The following DGKB variants were observed in gnomAD, a reference collection of about 807,000 sequenced individuals.
DGKB encodes the protein diacylglycerol kinase beta.
A neutral mutation model predicts 114.3 loss-of-function variants in DGKB; 67 were observed. That is an observed-to-expected ratio of 0.59 (90% CI 0.48 to 0.72). The LOEUF (loss-of-function observed/expected upper bound fraction) is 0.72. Ranked by LOEUF, DGKB falls within the 30% of genes least tolerant of loss-of-function variation. The pLI is 0.00. For synonymous variants in DGKB, 398 were observed against 323.1 expected (o/e 1.23, Z -2.49); for missense variants, 907 against 975.2 (o/e 0.93, Z 0.93).
intron 18 of DGKB, among the ~76,000 whole-genome samples, chr7:14,582,109 T>C (rs1330568252): frequency 6.6e-6 from 1 of 152,224 alleles, no homozygotes; most frequent in Non-Finnish European, 1.5e-5. Flanking sequence ...TTTCAATTTA[T>C]ACAGAAGGTA....
chr7:14,275,050 C>G (rs941122047), intron 23 of DGKB, among the ~76,000 whole-genome samples: 21 of 151,710 alleles, frequency 1.4e-4, no homozygotes, highest in Admixed American at 3.9e-4. Context: ...AAAGTATTTT[C>G]CTTCTTTAAA....
intron 20 of DGKB, among the ~76,000 whole-genome samples, chr7:14,570,177 T>G (rs1798162501): frequency 6.6e-6 from 1 of 151,874 alleles, no homozygotes; most frequent in East Asian, 1.9e-4. Context: ...TTACTTATAA[T>G]TCTCTATAGA....
chr7:14,902,920 G>A (rs1445246222), upstream of DGKB: 1 of 152,118 alleles, frequency 6.6e-6, no homozygotes, highest in African/African-American at 2.4e-5. Context: ...AAAAACAGCG[G>A]AGGCTGAAAG....
intron 23 of DGKB, 50 bp from the exon 24 acceptor site, chr7:14,178,201 A>T: frequency 6.3e-7 from 1 of 1,584,004 alleles, no homozygotes; most frequent in Non-Finnish European, 8.6e-7. Flanking sequence ...ACATATGTCC[A>T]CAATTTAATG....
intron 17 of DGKB, among the ~76,000 whole-genome samples, chr7:14,604,048 A>G (rs1272590534): frequency 6.6e-6 from 1 of 152,148 alleles, no homozygotes; most frequent in Non-Finnish European, 1.5e-5. Context: ...GCCCAAGAGT[A>G]ATTTATATTT....
chr7:14,447,963 A>G (rs1323324151), intron 21 of DGKB, among the ~76,000 whole-genome samples: 1 of 152,098 alleles, frequency 6.6e-6, no homozygotes, highest in Non-Finnish European at 1.5e-5. Context: ...ATGCCAAGAA[A>G]CTTAGACATT....
intron 5 of DGKB, among the ~76,000 whole-genome samples, chr7:14,732,379 G>C (rs1363560569): frequency 6.6e-6 from 1 of 151,998 alleles, no homozygotes; most frequent in Non-Finnish European, 1.5e-5. Context: ...TTATTTTTCA[G>C]CCACAAAAAC....
chr7:14,261,626 T>C (rs1257279750), intron 23 of DGKB, among the ~76,000 whole-genome samples: 1 of 152,186 alleles, frequency 6.6e-6, no homozygotes, highest in Non-Finnish European at 1.5e-5. Context: ...ATATATAGTC[T>C]ATACATGACT....
chr7:14,489,099 A>T (rs1784253670), intron 20 of DGKB, among the ~76,000 whole-genome samples: 1 of 152,170 alleles, frequency 6.6e-6, no homozygotes, highest in African/African-American at 2.4e-5. Flanking sequence ...TACTAAGATG[A>T]TCATAGGCCT....
intron 20 of DGKB, among the ~76,000 whole-genome samples, chr7:14,523,960 C>G (rs926623470): frequency 1.3e-5 from 2 of 152,296 alleles, no homozygotes; most frequent in Admixed American, 1.3e-4. Context: ...GAACACCAAT[C>G]TGACCTATAG....
At chr7:14,452,598 T>C (rs1482347630) in intron 21 of DGKB, among the ~76,000 whole-genome samples, 1 of 152,040 alleles carries the variant, frequency 6.6e-6, no homozygotes, top group Admixed American at 6.6e-5. Flanking sequence ...AAGAGTCACC[T>C]GAATGTGAAT....
intron 1 of DGKB, among the ~76,000 whole-genome samples, chr7:14,947,279 G>T (rs1785936995): frequency 6.6e-6 from 1 of 151,492 alleles, no homozygotes; most frequent in Non-Finnish European, 1.5e-5. Flanking sequence ...TAAGCCATTT[G>T]TTATTTTGCT....
chr7:14,409,424 G>GAATTGTTTGATATGTACTGT (rs1583716004), intron 21 of DGKB, among the ~76,000 whole-genome samples: 3 of 75,018 alleles, frequency 4.0e-5, no homozygotes, highest in Admixed American at 1.1e-4. Context: ...AGAAAAAGTT[G>GAATTGTTTGATATGTACTGT]AGGCCGGGCG....
chr7:14,446,718 T>C (rs1340469165), intron 21 of DGKB, among the ~76,000 whole-genome samples: 2 of 152,088 alleles, frequency 1.3e-5, no homozygotes. Flanking sequence ...TACAGGGTTC[T>C]GTCAAAAAGA....
chr7:14,754,449 C>T (rs933020027), intron 3 of DGKB, among the ~76,000 whole-genome samples: 4 of 152,074 alleles, frequency 2.6e-5, no homozygotes, highest in Non-Finnish European at 2.9e-5. Context: ...CTTCTATTAG[C>T]GTCACGCCTA....
At chr7:14,937,103 A>AT (rs1785315733) in intron 1 of DGKB, among the ~76,000 whole-genome samples, 2 of 150,182 alleles carry the variant, frequency 1.3e-5, no homozygotes, top group South Asian at 2.1e-4. Flanking sequence ...ATTTTGCTAC[A>AT]TTTTTTTCAT....
intron 2 of DGKB, among the ~76,000 whole-genome samples, chr7:14,798,056 G>A (rs781427305): frequency 1.3e-5 from 2 of 152,170 alleles, no homozygotes; most frequent in Non-Finnish European, 2.9e-5. Context: ...GGCTTAGAAT[G>A]GGGGAATGTG....
intron 20 of DGKB, among the ~76,000 whole-genome samples, chr7:14,547,298 C>T (rs1794436553): frequency 6.6e-6 from 1 of 152,058 alleles, no homozygotes; most frequent in Non-Finnish European, 1.5e-5. Flanking sequence ...GCTTTATTTT[C>T]AAATTTTTAA....
chr7:14,443,753 G>T (rs1217753768), intron 21 of DGKB, among the ~76,000 whole-genome samples: 1 of 151,936 alleles, frequency 6.6e-6, no homozygotes, highest in Non-Finnish European at 1.5e-5. Flanking sequence ...TTGAGTGTTT[G>T]TTGTTGTTGT....
Sources: gnomAD v4.1 joint callset for allele counts (sites outside exome capture counted in the v4.1 genomes callset) on GRCh38, gnomAD v4.1.1 for gene constraint, MANE v1.5 for transcripts, NCBI Gene and HGNC (gene_info 2026-07-23, HGNC 2026-07-21) for gene names.